Variants in OR51B5 observed in about 807,000 individuals in gnomAD.
OR51B5 encodes the protein olfactory receptor 51B5.
For missense variants in OR51B5, 456 were observed against 374.6 expected (o/e 1.22, Z -1.79); for synonymous variants, 186 against 144.8 (o/e 1.28, Z -2.04).
intron 1 of OR51B5, chr11:5,422,959 C>T: frequency 6.2e-7 from 1 of 1,614,130 alleles, no homozygotes; most frequent in African/African-American, 1.3e-5. Flanking sequence ...TCCTGGTCCT[C>T]TACATTCCCA....
At chr11:5,435,580 C>A (rs375826358) in intron 1 of OR51B5, among the ~76,000 whole-genome samples, 1 of 46,638 alleles carries the variant, frequency 2.1e-5, no homozygotes, top group African/African-American at 4.7e-5. Context: ...AATATTTTAA[C>A]TGGATGAATA....
intron 1 of OR51B5, among the ~76,000 whole-genome samples, chr11:5,421,228 C>G (rs985626009): frequency 6.6e-6 from 1 of 152,210 alleles, no homozygotes; most frequent in African/African-American, 2.4e-5. Context: ...AATCCTGAAG[C>G]GACCTGCCAC....
chr11:5,497,598 A>C (rs994833481), intron 1 of OR51B5, among the ~76,000 whole-genome samples: 1 of 152,112 alleles, frequency 6.6e-6, no homozygotes, highest in Non-Finnish European at 1.5e-5. Flanking sequence ...AAAAATAAAA[A>C]ACAAGTTGAG....
rs1285858335 is a variant in OR51B5 at position 5,431,265 on chromosome 11, C to T, written n.84+74304G>A. 1.6e-5 allele frequency: 5 copies of T among 322,134 alleles called. No individual in the cohort carries two copies. In the East Asian group the frequency reaches 3.1e-4, roughly 20 times the overall value. 20.0% of individuals were successfully genotyped at this position (322,134 alleles called of 1,614,324 possible). A position where few individuals can be genotyped will look rare whatever the true frequency, so the allele number is the denominator to read the frequency against. ...AGCTCATGGCTAGTAGGACCCCTGA[C>T]TCCATGCAGGAGAAGGTGTGAATGA... On this transcript the variant is annotated intron_variant and non_coding_transcript_variant, in intron 1 of 4. Transcript: ENST00000415970.
intron 1 of OR51B5, among the ~76,000 whole-genome samples, chr11:5,371,519 C>CT (rs1849448000): frequency 6.6e-6 from 1 of 152,008 alleles, no homozygotes; most frequent in Non-Finnish European, 1.5e-5. Context: ...ACATATATCT[C>CT]ATTATATCCA....
chr11:5,502,598 A>C (rs1488046922), intron 1 of OR51B5, among the ~76,000 whole-genome samples: 1 of 152,232 alleles, frequency 6.6e-6, no homozygotes, highest in Non-Finnish European at 1.5e-5. Flanking sequence ...GTGTAATAGA[A>C]GTGAGAGAAG....
chr11:5,402,132 C>T (rs1270005377), intron 1 of OR51B5, among the ~76,000 whole-genome samples: 1 of 152,030 alleles, frequency 6.6e-6, no homozygotes, highest in East Asian at 1.9e-4. Context: ...CCACCTCAGC[C>T]TCTCAAGTAG....
rs892612507 is a variant in OR51B5 at position 5,359,029 on chromosome 11, C to A, written n.85-12119G>T. On this transcript the variant is annotated intron_variant and non_coding_transcript_variant, in intron 1 of 4. Transcript: ENST00000415970. ...AGAGCCATCTATGACAAACCCACAG[C>A]CAATATCATACTGAATGGACAAAAA... Among the ~76,000 whole-genome samples the A allele has an allele frequency of 2.0e-5, 3 of 152,030 alleles. 1 individual carries two copies. The highest frequency in any genetic ancestry group is 1.3e-4 in the Admixed American group (2 of 15,252).
chr11:5,404,425 C>T (rs1404286826), intron 1 of OR51B5, among the ~76,000 whole-genome samples: 2 of 152,180 alleles, frequency 1.3e-5, no homozygotes, highest in African/African-American at 2.4e-5. Flanking sequence ...CCAACTAGTG[C>T]TCTGTGTCTA....
intron 1 of OR51B5, among the ~76,000 whole-genome samples, chr11:5,397,794 AC>A (rs1172412629): frequency 6.6e-6 from 1 of 151,172 alleles, no homozygotes; most frequent in African/African-American, 2.4e-5. Context: ...AAGACTTGGA[AC>A]CAACCCAAAT....
chr11:5,397,565 G>A (rs2133737307), intron 1 of OR51B5, among the ~76,000 whole-genome samples: 1 of 150,618 alleles, frequency 6.6e-6, no homozygotes, highest in East Asian at 1.9e-4. Context: ...GTGCTGGAGA[G>A]GATGTGGAGA....
intron 1 of OR51B5, among the ~76,000 whole-genome samples, chr11:5,363,763 T>G (rs968053953): frequency 4.6e-5 from 7 of 152,184 alleles, no homozygotes; most frequent in African/African-American, 1.7e-4. Flanking sequence ...AGCATTTTCA[T>G]GAGGATTCTA....
At chr11:5,442,300 T>C (rs1850701404) in intron 1 of OR51B5, among the ~76,000 whole-genome samples, 1 of 152,202 alleles carries the variant, frequency 6.6e-6, no homozygotes. Context: ...GAGAAAATTA[T>C]TACTTAACCA....
chr11:5,441,651 C>A, intron 1 of OR51B5: 1 of 670,728 alleles, frequency 1.5e-6, no homozygotes, highest in South Asian at 1.9e-5. Flanking sequence ...CCCAGTAAGA[C>A]ACTCATCTCT....
chr11:5,394,766 G>C (rs1208382461), intron 1 of OR51B5, among the ~76,000 whole-genome samples: 2 of 152,150 alleles, frequency 1.3e-5, no homozygotes, highest in Admixed American at 6.5e-5. Flanking sequence ...GCTTCATCAG[G>C]GGACGTTAGT....
At position 5,394,568 on chromosome 11, in the gene OR51B5, T is replaced by C. The variant is rs547333743; in HGVS notation, n.85-47658A>G. On this transcript the variant is annotated intron_variant and non_coding_transcript_variant, in intron 1 of 4. Coordinates refer to the OR51B5 transcript ENST00000415970. ...CTCTCTAAGCCTTTGAAATTGATAC[T>C]GTATTTGTAAAACACAGATGGCTCA... Among the ~76,000 whole-genome samples, 22 of 152,336 alleles carry C rather than the reference T, an allele frequency of 1.4e-4. No homozygotes were observed. The South Asian group carries it at 2.7e-3, about 19-fold the overall frequency.
chr11:5,420,966 G>A (rs943064804), intron 1 of OR51B5, among the ~76,000 whole-genome samples: 1 of 152,100 alleles, frequency 6.6e-6, no homozygotes, highest in African/African-American at 2.4e-5. Context: ...TCTTGCCCCT[G>A]TAAACTCTAT....
At chr11:5,376,030 C>T (rs1362356374) in intron 1 of OR51B5, among the ~76,000 whole-genome samples, 1 of 152,176 alleles carries the variant, frequency 6.6e-6, no homozygotes, top group Non-Finnish European at 1.5e-5. Flanking sequence ...CACCACACAA[C>T]ACCTATTCCA....
intron 1 of OR51B5, among the ~76,000 whole-genome samples, chr11:5,451,435 A>G (rs1037216795): frequency 6.6e-6 from 1 of 152,228 alleles, no homozygotes; most frequent in Non-Finnish European, 1.5e-5. Flanking sequence ...AATGGGAGAA[A>G]TAAGAGACAA....
Sources: gnomAD v4.1 joint callset for allele counts (sites outside exome capture counted in the v4.1 genomes callset) on GRCh38, gnomAD v4.1.1 for gene constraint, MANE v1.5 for transcripts, NCBI Gene and HGNC (gene_info 2026-07-23, HGNC 2026-07-21) for gene names.